The following UGT1A7 variants were observed in gnomAD, a reference collection of about 807,000 sequenced individuals.
The protein encoded by UGT1A7 is UDP glucuronosyltransferase family 1 member A7.
A neutral mutation model predicts 45.6 loss-of-function variants in UGT1A7; 33 were observed. The observed-to-expected ratio is 0.72, with a 90% CI of 0.55 to 0.97. The LOEUF is 0.97. Ranked by LOEUF, UGT1A7 falls within the 50% of genes least tolerant of loss-of-function variation. UGT1A7 has a pLI of 0.00. For missense variants in UGT1A7, 684 were observed against 666.2 expected (o/e 1.03, Z -0.29); for synonymous variants, 274 against 250.6 (o/e 1.09, Z -0.88).
chr2:233,698,978 A>T (rs1168446883), intron 1 of UGT1A7, among the ~76,000 whole-genome samples: 1 of 152,192 alleles, frequency 6.6e-6, no homozygotes, highest in Non-Finnish European at 1.5e-5. Flanking sequence ...CCCTTTGGCC[A>T]CCCAGGTGGT....
At chr2:233,718,866 C>T in intron 1 of UGT1A7, 1 of 1,613,892 alleles carries the variant, frequency 6.2e-7, no homozygotes, top group Non-Finnish European at 8.5e-7. Context: ...GGCCACAGGA[C>T]TGCTGCTCCT....
In UGT1A7 at chr2:233,729,398, G is replaced by A. The variant is rs540607993; in HGVS notation, c.856-37636G>A. On this transcript the variant is annotated intron_variant, in intron 1 of 4. Coordinates refer to ENST00000373426, the MANE Select transcript of UGT1A7 (RefSeq NM_019077.3). The stretch of plus-strand genomic sequence containing the variant: ...TCGTGGACCCAGGATGAATTTGATC[G>A]CCATGTGCTGGGCCACACTCAACTG... 219 of 1,613,654 alleles carry A rather than the reference G, an allele frequency of 1.4e-4. 1 individual carries two copies. The South Asian group carries it at 1.7e-3, about 12-fold the overall frequency.
intron 1 of UGT1A7, among the ~76,000 whole-genome samples, chr2:233,694,733 T>G (rs1314036348): frequency 1.3e-5 from 2 of 152,174 alleles, no homozygotes; most frequent in African/African-American, 4.8e-5. Flanking sequence ...TGTTAACAAT[T>G]TGAACAGTTG....
intron 1 of UGT1A7, chr2:233,729,474 G>T: frequency 6.2e-7 from 1 of 1,614,208 alleles, no homozygotes. Context: ...GTATGGCAAT[G>T]TTGAACAATA....
intron 1 of UGT1A7, among the ~76,000 whole-genome samples, chr2:233,731,386 C>A (rs2125763293): frequency 6.6e-6 from 1 of 152,052 alleles, no homozygotes; most frequent in Admixed American, 6.6e-5. Flanking sequence ...CCTGCACCCA[C>A]CAACTCGTCA....
intron 1 of UGT1A7, among the ~76,000 whole-genome samples, chr2:233,689,462 A>G (rs2074944838): frequency 6.6e-6 from 1 of 152,236 alleles, no homozygotes; most frequent in South Asian, 2.1e-4. Flanking sequence ...CATTTTAGGA[A>G]AACAGAAGTT....
At chr2:233,690,666 G>A (rs564691258) in intron 1 of UGT1A7, 1 of 1,272,210 alleles carries the variant, frequency 7.9e-7, no homozygotes, top group South Asian at 1.3e-5. Context: ...ACCAACCAGG[G>A]CAGGCCTGGG....
intron 1 of UGT1A7, among the ~76,000 whole-genome samples, chr2:233,696,738 T>C (rs1269588837): frequency 6.6e-6 from 1 of 152,214 alleles, no homozygotes; most frequent in East Asian, 1.9e-4. Context: ...TTTACCCTTT[T>C]CAGTATGATG....
intron 1 of UGT1A7, chr2:233,755,353 G>T: frequency 2.6e-6 from 1 of 385,860 alleles, no homozygotes; most frequent in Non-Finnish European, 4.8e-6. Context: ...GAGGCTTGGC[G>T]ACCTGGGCCG....
At chr2:233,748,111 T>C (rs1693869391) in intron 1 of UGT1A7, 3 of 1,612,162 alleles carry the variant, frequency 1.9e-6, no homozygotes, top group Non-Finnish European at 2.5e-6. Flanking sequence ...CAATCAATGT[T>C]CCAGGCAAAA....
chr2:233,712,370 T>G (rs1029561273), intron 1 of UGT1A7, among the ~76,000 whole-genome samples: 3 of 152,206 alleles, frequency 2.0e-5, no homozygotes, highest in African/African-American at 7.2e-5. Flanking sequence ...CCTGCAGCTT[T>G]TTTTATATTG....
At chr2:233,742,568 G>A (rs1692020087) in intron 1 of UGT1A7, among the ~76,000 whole-genome samples, 1 of 151,798 alleles carries the variant, frequency 6.6e-6, no homozygotes, top group African/African-American at 2.4e-5. Context: ...GCTTCTGGCC[G>A]GAATTGGGGG....
At chr2:233,763,196 G>C (rs1166459393) in intron 1 of UGT1A7, among the ~76,000 whole-genome samples, 1 of 152,152 alleles carries the variant, frequency 6.6e-6, no homozygotes, top group Non-Finnish European at 1.5e-5. Context: ...TGCCTTGTTT[G>C]GTGCAGTCAG....
intron 1 of UGT1A7, chr2:233,747,696 G>C (rs1693755189): frequency 1.2e-6 from 2 of 1,611,556 alleles, no homozygotes; most frequent in Admixed American, 1.7e-5. Context: ...GGCAGTGCTG[G>C]CTAAGTACCT....
intron 1 of UGT1A7, among the ~76,000 whole-genome samples, chr2:233,751,872 G>C (rs151015857): frequency 6.6e-6 from 1 of 152,110 alleles, no homozygotes; most frequent in Non-Finnish European, 1.5e-5. Context: ...AAATTACCCC[G>C]TCTTGGGTAT....
chr2:233,726,986 T>C (rs749944838), intron 1 of UGT1A7, among the ~76,000 whole-genome samples: 1 of 152,226 alleles, frequency 6.6e-6, no homozygotes, highest in Non-Finnish European at 1.5e-5. Flanking sequence ...TTTGATGAGG[T>C]TCTTTCTAGC....
chr2:233,697,132 GTA>G (rs1456349990), intron 1 of UGT1A7, among the ~76,000 whole-genome samples: 3 of 151,950 alleles, frequency 2.0e-5, no homozygotes, highest in African/African-American at 7.3e-5. Flanking sequence ...TCATTTTTCT[GTA>G]ATAGTTTGAG....
At chr2:233,724,735 G>C (rs978889272) in intron 1 of UGT1A7, among the ~76,000 whole-genome samples, 4 of 144,116 alleles carry the variant, frequency 2.8e-5, no homozygotes, top group Non-Finnish European at 4.5e-5. Flanking sequence ...AGGCAGAGGG[G>C]CTCCTCACAT....
chr2:233,761,165 T>A (rs1323342436), intron 1 of UGT1A7: 1 of 1,614,204 alleles, frequency 6.2e-7, no homozygotes, highest in Non-Finnish European at 8.5e-7. Context: ...TGTATTGGAG[T>A]GGGACTTTTA....
Sources: allele counts gnomAD v4.1 joint callset (sites outside exome capture counted in the v4.1 genomes callset), GRCh38; gene constraint gnomAD v4.1.1; transcripts MANE v1.5; gene names NCBI Gene and HGNC (gene_info 2026-07-23, HGNC 2026-07-21).